The following ZNF337 variants were observed in gnomAD, a reference collection of about 807,000 sequenced individuals.
ZNF337 encodes zinc finger protein 337.
Under a neutral mutation model 12.1 loss-of-function variants are expected in ZNF337, and 8 were observed. That is an observed-to-expected ratio of 0.66 (90% CI 0.39 to 1.19). The LOEUF (loss-of-function observed/expected upper bound fraction) is 1.19. ZNF337 is among the 50% of genes most tolerant of loss of function. The pLI, the probability that ZNF337 is intolerant of heterozygous loss-of-function variation, is 0.01. For synonymous variants in ZNF337, 336 were observed against 320.0 expected, an observed-to-expected ratio of 1.05 and a Z score of -0.53; for missense variants, 882 against 896.6, an observed-to-expected ratio of 0.98 and a Z score of 0.21.
In ZNF337 at chr20:25,674,833, C is replaced by A; in HGVS notation, c.*199G>T. On this transcript the variant is annotated 3_prime_UTR_variant, in exon 5 of 5. Transcript: ENST00000252979. ...GTAATGCCCTCCCCTCAACTGGCAT[C>A]TCTGTTCCCTAAACATTGACCTCTT... 1 of 598,574 alleles carries A rather than the reference C, an allele frequency of 1.7e-6. No individual in the cohort carries two copies. The highest frequency in any genetic ancestry group is 2.1e-5 in the South Asian group (1 of 46,624). 37.1% of individuals were successfully genotyped at this position (598,574 alleles called of 1,614,324 possible).
At position 25,696,819 on chromosome 20, in the gene ZNF337, G is replaced by C. The variant is rs1600458659; in HGVS notation, c.-110C>G. ...ACCGATGGTGGACCACGCATCTCAC[G>C]GCTCGCTGACGCCCAGGGATCTGGA... On this transcript the variant is annotated 5_prime_UTR_variant, in exon 1 of 5. Transcript: ENST00000252979. The C allele has an allele frequency of 6.1e-6, 6 of 985,502 alleles. No individual in the cohort carries two copies. Among genetic ancestry groups the C allele is most frequent in the Non-Finnish European group, 7.2e-6 (6 of 829,962 alleles). The allele number at this position is 985,502 out of a possible 1,614,324, so 61.0% of individuals were successfully genotyped here.
At chr20:25,687,115 TTTG>T (rs1335273489) in intron 1 of ZNF337, among the ~76,000 whole-genome samples, 1 of 152,202 alleles carries the variant, frequency 6.6e-6, no homozygotes, top group Non-Finnish European at 1.5e-5. Context: ...AAACATTAAT[TTTG>T]TTGTTATAAA....
intron 1 of ZNF337, among the ~76,000 whole-genome samples, chr20:25,696,086 ATCC>A (rs1213106070): frequency 3.3e-5 from 2 of 60,342 alleles, no homozygotes; most frequent in Admixed American, 1.8e-4. Flanking sequence ...CCCCACGCAG[ATCC>A]CCCCCCCCCC....
intron 4 of ZNF337, among the ~76,000 whole-genome samples, chr20:25,679,574 C>T (rs2065746237): frequency 6.6e-6 from 1 of 152,102 alleles, no homozygotes; most frequent in Admixed American, 6.5e-5. Flanking sequence ...TGCTCATCAT[C>T]ACCAATCATC....
At position 25,676,757 on chromosome 20, in the gene ZNF337, C is replaced by A. The variant is rs1202023976; in HGVS notation, c.531G>T (p.Trp177Cys). The A allele has an allele frequency of 1.2e-6, 2 of 1,614,210 alleles. No individual in the cohort carries two copies. The highest frequency in any genetic ancestry group is 2.2e-5 in the South Asian group (2 of 91,082). The part of the protein sequence containing the change: ...KVLKGIENSR[W>C]GAFKCAERGQ... The stretch of plus-strand genomic sequence containing the variant: ...CACGCTCTGCACACTTGAATGCTCC[C>A]CATCTTGAATTTTCTATTCCTTTCA... Residue 177 changes from tryptophan (W) to cysteine (C), a missense_variant, in exon 5 of 5, where the codon TGG becomes TGT. Physicochemically the swap from Trp to Cys is radical, Grantham distance 215. Transcript: ENST00000252979.
At chr20:25,690,878 G>A (rs1308708651) in intron 1 of ZNF337, among the ~76,000 whole-genome samples, 2 of 152,122 alleles carry the variant, frequency 1.3e-5, no homozygotes, top group Admixed American at 1.3e-4. Flanking sequence ...AAAAGAGTCA[G>A]TCTGCAAAAA....
At chr20:25,691,474 CA>C (rs2065881704) in intron 1 of ZNF337, among the ~76,000 whole-genome samples, 1 of 152,222 alleles carries the variant, frequency 6.6e-6, no homozygotes, top group Non-Finnish European at 1.5e-5. Flanking sequence ...GGTCCACACC[CA>C]AACACACTTC....
intron 4 of ZNF337, 48 bp downstream of exon 4, chr20:25,685,519 T>C: frequency 2.0e-6 from 3 of 1,530,866 alleles, no homozygotes; most frequent in Non-Finnish European, 2.7e-6. Context: ...TCCTCCCTCC[T>C]GAAAGGCGGA....
At chr20:25,694,759 C>G (rs1265913457) in intron 1 of ZNF337, among the ~76,000 whole-genome samples, 1 of 152,146 alleles carries the variant, frequency 6.6e-6, no homozygotes, top group South Asian at 2.1e-4. Context: ...ACTTTCCAAC[C>G]TGACTCTGGT....
chr20:25,673,878 T>G lies in ZNF337; in HGVS notation c.*1154A>C, dbSNP rs2065643719. ...CACTTTCCCTACATTTTCAAAGGCC[T>G]GCATCATCACATCTGCCACAGCATT... is the stretch of plus-strand genomic sequence containing the variant. On this transcript the variant is annotated 3_prime_UTR_variant, in exon 5 of 5. Coordinates refer to ENST00000252979, the MANE Select transcript of ZNF337 (RefSeq NM_015655.4). The G allele has an allele frequency of 6.6e-6, 1 of 152,192 alleles. No individual in the cohort carries two copies. Among genetic ancestry groups the G allele is most frequent in the South Asian group, 2.1e-4 (1 of 4,826 alleles). 9.4% of individuals were successfully genotyped at this position (152,192 alleles called of 1,614,324 possible). A position where few individuals can be genotyped will look rare whatever the true frequency, so the allele number is the denominator to read the frequency against.
intron 4 of ZNF337, 68 bp downstream of exon 4, chr20:25,685,499 C>G (rs2065820049): frequency 7.2e-7 from 1 of 1,387,816 alleles, no homozygotes; most frequent in African/African-American, 1.4e-5. Context: ...CCCCTGGCCT[C>G]AGAGAAGCCT....
intron 1 of ZNF337, among the ~76,000 whole-genome samples, chr20:25,696,298 G>A (rs2065928053): frequency 6.6e-6 from 1 of 152,100 alleles, no homozygotes; most frequent in South Asian, 2.1e-4. Context: ...AACCCGAGTC[G>A]GACCTAGCCC....
rs754034999 is a variant in ZNF337 at position 25,676,996 on chromosome 20, G to A, written c.292C>T (p.Leu98Phe). 5 of 1,613,484 alleles carry A rather than the reference G, an allele frequency of 3.1e-6. No homozygotes were observed. In the African/African-American group the frequency reaches 5.3e-5, roughly 17 times the overall value. ...EHVLRPKNLG[L>F]AHQRQQQLQF... ...AGTTGCTGTTGCCTCTGATGTGCAA[G>A]TCCAAGATTCTTGGGCCGCAGGACA... The change falls in exon 5 of 5, where the codon CTT becomes TTT. Residue 98 changes from leucine to phenylalanine, a missense_variant. Coordinates refer to ENST00000252979, the MANE Select transcript of ZNF337 (RefSeq NM_015655.4).
chr20:25,679,371 T>G (rs1309608587), intron 4 of ZNF337, among the ~76,000 whole-genome samples: 1 of 152,074 alleles, frequency 6.6e-6, no homozygotes, highest in South Asian at 2.1e-4. Context: ...AAGGAAAGTA[T>G]CAACAGTGAA....
At chr20:25,677,980 A>T (rs1320238892) in intron 4 of ZNF337, 1 of 152,084 alleles carries the variant, frequency 6.6e-6, no homozygotes, top group Non-Finnish European at 1.5e-5. Context: ...AAGAACTGGA[A>T]GAAGATTCGA....
intron 1 of ZNF337, among the ~76,000 whole-genome samples, chr20:25,696,353 C>A (rs2065928808): frequency 6.6e-6 from 1 of 152,202 alleles, no homozygotes. Flanking sequence ...TGGACCCTGG[C>A]TGTGGCCGAG....
chr20:25,686,179 G>A (rs2065831660), intron 2 of ZNF337, 57 bp from the exon 3 acceptor site: 1 of 1,608,372 alleles, frequency 6.2e-7, no homozygotes, highest in Non-Finnish European at 8.5e-7. Flanking sequence ...CACGCAGTTG[G>A]AGGATTCCAG....
intron 4 of ZNF337, chr20:25,677,290 C>T (rs904511010): frequency 2.6e-6 from 1 of 391,394 alleles, no homozygotes; most frequent in South Asian, 7.0e-5. Context: ...AACTACAGGC[C>T]AATATCCCTG....
At chr20:25,686,145 G>A in intron 2 of ZNF337, 23 bp from the exon 3 acceptor site, 2 of 1,613,584 alleles carry the variant, frequency 1.2e-6, no homozygotes, top group Admixed American at 1.7e-5. Flanking sequence ...ACCCAGGCAT[G>A]CTCACCAGGG....
Sources: gnomAD v4.1 joint callset for allele counts (sites outside exome capture counted in the v4.1 genomes callset) on GRCh38, gnomAD v4.1.1 for gene constraint, MANE v1.5 for transcripts, NCBI Gene and HGNC (gene_info 2026-07-23, HGNC 2026-07-21) for gene names.